MUC5B: variants seen among roughly 807,000 people sequenced by gnomAD.
MUC5B encodes mucin-5B.
MUC5B carries 116 observed loss-of-function variants against 376.9 expected under a neutral mutation model. The ratio of observed to expected loss-of-function variants is 0.31; its 90% CI spans 0.26 to 0.36. The LOEUF (loss-of-function observed/expected upper bound fraction) is 0.36. Among genes scored for constraint, MUC5B ranks in the 10% least tolerant of loss-of-function variants. The pLI is 1.00. For missense variants in MUC5B, 7,165 were observed against 7,769.9 expected (o/e 0.92, Z 2.93); for synonymous variants, 3,517 against 3,390.9 (o/e 1.04, Z -1.29).
chr11:1,256,814 C>A, intron 39 of MUC5B, 43 bp downstream of exon 39: 1 of 1,455,318 alleles, frequency 6.9e-7, no homozygotes, highest in Non-Finnish European at 9.2e-7. Context: ...CTGGGCCCGA[C>A]CCAAGCACAC....
Position 1,235,133 on chromosome 11 carries a change from C to T in MUC5B, c.2679C>T (p.Gly893=). The change falls in exon 22 of 49, where the codon GGC becomes GGT. Residue 893 remains glycine (G), a synonymous_variant. Coordinates refer to ENST00000529681, the MANE Select transcript of MUC5B (RefSeq NM_002458.3). ...RWECSHRLCL[G]TCVAYGDGHF... The stretch of plus-strand genomic sequence containing the variant: ...AGTGCAGCCACCGGCTCTGCCTGGG[C>T]ACCTGCGTGGCCTACGGGGATGGCC... The T allele has an allele frequency of 1.2e-6, 2 of 1,612,830 alleles. No individual in the cohort carries two copies. Among genetic ancestry groups the T allele is most frequent in the South Asian group, 1.1e-5 (1 of 91,076 alleles).
chr11:1,247,185 C>A lies in MUC5B; in HGVS notation c.10305C>A (p.Pro3435=), dbSNP rs370339559. Residue 3435 remains proline, a synonymous_variant, in exon 31 of 49, where the codon CCC becomes CCA. Coordinates refer to ENST00000529681, the MANE Select transcript of MUC5B (RefSeq NM_002458.3). ...CAGCCACCAGCAGCACAGTGACTCC[C>A]TCCTCTGCCCTAGGGACCACCCACA... The part of the protein sequence containing the change: ...TPAATSSTVT[P]SSALGTTHTP... 1.3e-6 allele frequency: 2 copies of A among 1,562,718 alleles called. No individual in the cohort carries two copies. The highest frequency in any genetic ancestry group is 1.1e-5 in the South Asian group (1 of 88,946).
chr11:1,249,618 G>A lies in MUC5B; in HGVS notation c.12738G>A (p.Thr4246=), dbSNP rs370183269. ...STAMPSSTPG[T]TWILTELTTT... is the part of the protein sequence containing the mutation. ...CCATGCCCTCCTCCACTCCGGGGACGACCTGGATCCTCACAGAGCTGACCA... is the reference window on the plus strand; with the variant it reads ...CCATGCCCTCCTCCACTCCGGGGACAACCTGGATCCTCACAGAGCTGACCA... The change falls in exon 31 of 49, where the codon ACG becomes ACA. Residue 4246 remains threonine (T), a synonymous_variant. Coordinates refer to ENST00000529681, the MANE Select transcript of MUC5B (RefSeq NM_002458.3). 1,410 of 1,610,412 alleles carry A rather than the reference G, an allele frequency of 8.8e-4. 16 individuals carry two copies. In the African/African-American group the frequency reaches 0.016, roughly 18 times the overall value.
Position 1,250,679 on chromosome 11 carries a change from G to T in MUC5B, c.13799G>T (p.Gly4600Val). The T allele has an allele frequency of 1.2e-6, 2 of 1,611,626 alleles. No individual in the cohort carries two copies. The highest frequency in any genetic ancestry group is 1.1e-5 in the South Asian group (1 of 91,012). Residue 4600 changes from glycine to valine, a missense_variant, in exon 31 of 49, where the codon GGC becomes GTC. By Grantham distance (109) the Gly-to-Val change is moderately radical. This residue lies in a region of MUC5B where 730 missense variants were observed against 592.7 expected (regional missense o/e 1.23). Coordinates refer to ENST00000529681, the MANE Select transcript of MUC5B (RefSeq NM_002458.3). Reference protein sequence around the residue: ...TTKVPTTTTTGFTATPSSSPG... With the variant: ...TTKVPTTTTTVFTATPSSSPG... Reference sequence around the variant, plus strand: ...AAAGTGCCGACTACCACAACCACGGGCTTCACAGCCACCCCCTCCTCCAGC... The same window carrying T: ...AAAGTGCCGACTACCACAACCACGGTCTTCACAGCCACCCCCTCCTCCAGC...
chr11:1,251,278 A>T lies in MUC5B; in HGVS notation c.14398A>T (p.Thr4800Ser). Residue 4800 changes from threonine to serine, a missense_variant, in exon 31 of 49, where the codon ACA becomes TCA. Thr to Ser is a moderately conservative substitution (Grantham distance 58). Coordinates refer to ENST00000529681, the MANE Select transcript of MUC5B (RefSeq NM_002458.3). Reference sequence around the variant, plus strand: ...AGTGCTGACCACCACAGCCACCATGACAAGGGCCACCAATTCCACGGCCAC... The same window carrying T: ...AGTGCTGACCACCACAGCCACCATGTCAAGGGCCACCAATTCCACGGCCAC... ...STVLTTTATMTRATNSTATPS... is the reference protein window; with the variant it reads ...STVLTTTATMSRATNSTATPS... 6.2e-7 allele frequency: 1 copy of T among 1,611,304 alleles called. No individual in the cohort carries two copies. Among genetic ancestry groups the T allele is most frequent in the Non-Finnish European group, 8.5e-7 (1 of 1,178,244 alleles).
intron 25 of MUC5B, among the ~76,000 whole-genome samples, chr11:1,238,533 A>G (rs978126090): frequency 2.6e-5 from 4 of 152,170 alleles, no homozygotes; most frequent in Non-Finnish European, 5.9e-5. Flanking sequence ...GGGCCACATG[A>G]CCAGATCCAC....
Position 1,246,122 on chromosome 11 carries a change from C to T in MUC5B, c.9242C>T (p.Pro3081Leu), listed in dbSNP as rs368033072. The change falls in exon 31 of 49, where the codon CCA becomes CTA. Residue 3081 changes from proline to leucine, a missense_variant. This residue lies in a region of MUC5B where 939 missense variants were observed against 770.6 expected (regional missense o/e 1.22). Coordinates refer to ENST00000529681, the MANE Select transcript of MUC5B (RefSeq NM_002458.3). Reference sequence around the variant, plus strand: ...ACCCTTGGGACCACCGGGACCCTCCCAGAACAGACCACCACACCCATGGCC... The same window carrying T: ...ACCCTTGGGACCACCGGGACCCTCCTAGAACAGACCACCACACCCATGGCC... The part of the protein sequence containing the change: ...SFTLGTTGTL[P>L]EQTTTPMATM... The T allele has an allele frequency of 3.7e-6, 6 of 1,613,126 alleles. No individual in the cohort carries two copies. The highest frequency in any genetic ancestry group is 5.1e-6 in the Non-Finnish European group (6 of 1,179,538).
Position 1,243,167 on chromosome 11 carries a change from C to G in MUC5B, c.6287C>G (p.Pro2096Arg). ...RGSTVTPSSI[P>R]GTTHTATVLT... ...TCCACGGTGACCCCCTCCTCCATCC[C>G]GGGGACCACCCACACCGCCACAGTG... Residue 2096 changes from proline (P) to arginine (R), a missense_variant, in exon 31 of 49, where the codon CCG becomes CGG. By Grantham distance (103) the Pro-to-Arg change is moderately radical. Around this residue, in one of 31 missense-constraint regions of MUC5B, gnomAD observed 897 missense variants for 779.6 expected, o/e 1.15. Transcript: ENST00000529681. The G allele has an allele frequency of 6.2e-7, 1 of 1,607,950 alleles. No homozygotes were observed.
At position 1,254,775 on chromosome 11, in the gene MUC5B, C is replaced by T. The variant is rs765889391; in HGVS notation, c.15559C>T (p.Arg5187Cys). 5.0e-6 allele frequency: 8 copies of T among 1,612,732 alleles called. No individual in the cohort carries two copies. Among genetic ancestry groups the T allele is most frequent in the Non-Finnish European group, 5.9e-6 (7 of 1,179,794 alleles). ...LVSVLGTTTM[R>C]VDIPALGVSV... ...GTCTGTGCTGGGGACCACCACCATG[C>T]GTGTGGACATTCCTGCCCTGGGCGT... is the stretch of plus-strand genomic sequence containing the variant. The change falls in exon 35 of 49, where the codon CGT (arginine) becomes TGT (cysteine). Residue 5187 changes from arginine to cysteine, a missense_variant. Around this residue, in one of 31 missense-constraint regions of MUC5B, gnomAD observed 842 missense variants for 1,016.9 expected, o/e 0.83. Coordinates refer to ENST00000529681, the MANE Select transcript of MUC5B (RefSeq NM_002458.3).
rs71469859 is a variant in MUC5B at position 1,243,729 on chromosome 11, A to G, written c.6849A>G (p.Thr2283=). ...ACACCACGGCCACCTCCAGGACCAC[A>G]GCCACGGCCACACCCAGCAAGACCC... ...PGHTTATSRT[T]ATATPSKTRT... The change falls in exon 31 of 49, where the codon ACA becomes ACG. Residue 2283 remains threonine, a synonymous_variant. Transcript: ENST00000529681. 728 of 1,565,384 alleles carry G rather than the reference A, an allele frequency of 4.7e-4. No individual in the cohort carries two copies. The highest frequency in any genetic ancestry group is 1.1e-3 in the Middle Eastern group (5 of 4,464).
At position 1,253,338 on chromosome 11, in the gene MUC5B, C is replaced by T. The variant is rs974264992; in HGVS notation, c.15217+358C>T. 8.5e-5 allele frequency among the ~76,000 whole-genome samples: 13 copies of T among 152,150 alleles called. No individual in the cohort carries two copies. Among genetic ancestry groups the T allele is most frequent in the Non-Finnish European group, 1.6e-4 (11 of 68,012 alleles). On this transcript the variant is annotated intron_variant, in intron 33 of 48. Coordinates refer to ENST00000529681, the MANE Select transcript of MUC5B (RefSeq NM_002458.3). This position sits in a 1 kb window ranked among gnomAD's most constrained non-coding sequence, Gnocchi z 4.3. ...GGCTGGTTTGCTGAGCTTCTCTGCA[C>T]ATCAGCCTGTGTGGTTTGAAAGGGA...
Position 1,249,874 on chromosome 11 carries a change from G to A in MUC5B, c.12994G>A (p.Gly4332Arg). The A allele has an allele frequency of 1.9e-6, 3 of 1,613,372 alleles. No homozygotes were observed. Among genetic ancestry groups the A allele is most frequent in the Non-Finnish European group, 2.5e-6 (3 of 1,179,746 alleles). ...TACACCCATCCCCTCCTCCACCCTT[G>A]GGACCACCGGGACCCTCCCAGAACA... ...SVTPIPSSTL[G>R]TTGTLPEQTT... Residue 4332 changes from glycine (G) to arginine (R), a missense_variant, in exon 31 of 49, where the codon GGG becomes AGG. By Grantham distance (125) the Gly-to-Arg change is moderately radical. Transcript: ENST00000529681.
In MUC5B at chr11:1,251,468, C is replaced by T. The variant is rs763795186; in HGVS notation, c.14588C>T (p.Ser4863Phe). 3.7e-6 allele frequency: 6 copies of T among 1,612,286 alleles called. No homozygotes were observed. The Admixed American group carries it at 5.0e-5, about 13-fold the overall frequency. The change falls in exon 31 of 49, where the codon TCC becomes TTC. Residue 4863 changes from serine to phenylalanine, a missense_variant. Transcript: ENST00000529681. ...TIATVMVPTG[S>F]TATASSTLGT... is the part of the protein sequence containing the mutation. ...GCCACCGTGATGGTGCCCACCGGTT[C>T]CACGGCCACCGCCTCCTCCACTCTG...
In MUC5B at chr11:1,259,657, G is replaced by A. The variant is rs142949847; in HGVS notation, c.16714-99G>A. 569 of 1,254,422 alleles carry A rather than the reference G, an allele frequency of 4.5e-4. 6 individuals carry two copies. In the African/African-American group the frequency reaches 7.5e-3, roughly 16 times the overall value. The allele number at this position is 1,254,422 out of a possible 1,614,324, so 77.7% of individuals were successfully genotyped here. The stretch of plus-strand genomic sequence containing the variant: ...TAGGCCCAGGCAGGGACAGGGCTAA[G>A]GGGTCCTGGACCACTGGGGTGTAGA... On this transcript the variant is annotated intron_variant, in intron 44 of 48. Coordinates refer to ENST00000529681, the MANE Select transcript of MUC5B (RefSeq NM_002458.3).
At position 1,246,351 on chromosome 11, in the gene MUC5B, C is replaced by A; in HGVS notation, c.9471C>A (p.Thr3157=). The A allele has an allele frequency of 6.2e-7, 1 of 1,603,878 alleles. No homozygotes were observed. Among genetic ancestry groups the A allele is most frequent in the South Asian group, 1.1e-5 (1 of 90,262 alleles). The change falls in exon 31 of 49, where the codon ACC becomes ACA. Residue 3157 remains threonine, a synonymous_variant. Transcript: ENST00000529681. ...GCCCCACGGCCACCCCGTCCTCCACCCCAGGGACCACCTGGATCCTCACAG... is the reference window on the plus strand; with the variant it reads ...GCCCCACGGCCACCCCGTCCTCCACACCAGGGACCACCTGGATCCTCACAG... ...ATGPTATPSS[T]PGTTWILTEP... is the part of the protein sequence containing the mutation.
rs1037604979 is a variant in MUC5B at position 1,234,826 on chromosome 11, G to C, written c.2630+146G>C. On this transcript the variant is annotated intron_variant, in intron 21 of 48. Coordinates refer to ENST00000529681, the MANE Select transcript of MUC5B (RefSeq NM_002458.3). This position sits in a 1 kb window ranked among gnomAD's most constrained non-coding sequence, Gnocchi z 6.3. ...GGTGAGGTGGGGCCGTGGCAGGAGA[G>C]AGAGTTGCTAGGAAAGCCATGGGCC... 4 of 1,151,198 alleles carry C rather than the reference G, an allele frequency of 3.5e-6. No individual in the cohort carries two copies. The highest frequency in any genetic ancestry group is 3.6e-6 in the Non-Finnish European group (3 of 837,930). The allele number at this position is 1,151,198 out of a possible 1,614,324, so 71.3% of individuals were successfully genotyped here.
In MUC5B at chr11:1,240,360, C is replaced by T. The variant is rs747790027; in HGVS notation, c.3955C>T (p.Pro1319Ser). 6.2e-7 allele frequency: 1 copy of T among 1,600,286 alleles called. No individual in the cohort carries two copies. The highest frequency in any genetic ancestry group is 2.2e-5 in the East Asian group (1 of 44,608). ...ATTCACCTTCACCACCGCCTGGGTC[C>T]CCCACTCCACGACAAGTAAGCCCTG... Reference protein sequence around the residue: ...TPFTFTTAWVPHSTTSPALPV... With the variant: ...TPFTFTTAWVSHSTTSPALPV... Residue 1319 changes from proline to serine, a missense_variant, in exon 30 of 49, where the codon CCC becomes TCC. Coordinates refer to ENST00000529681, the MANE Select transcript of MUC5B (RefSeq NM_002458.3).
At position 1,257,656 on chromosome 11, in the gene MUC5B, G is replaced by C. The variant is rs372417271; in HGVS notation, c.16396G>C (p.Val5466Leu). 1 of 1,590,630 alleles carries C rather than the reference G, an allele frequency of 6.3e-7. No homozygotes were observed. Among genetic ancestry groups the C allele is most frequent in the South Asian group, 1.1e-5 (1 of 89,438 alleles). The stretch of plus-strand genomic sequence containing the variant: ...CCCGCCGTGCAACCGTCCCGGCTTC[G>C]TAACCGTGACCAGGCCCCGGGCCGA... ...QPPPCNRPGF[V>L]TVTRPRAENP... Residue 5466 changes from valine to leucine, a missense_variant, in exon 41 of 49, where the codon GTA (valine) becomes CTA (leucine). Val to Leu is a conservative substitution (Grantham distance 32, BLOSUM62 1). Around this residue, in one of 31 missense-constraint regions of MUC5B, gnomAD observed 842 missense variants for 1,016.9 expected, o/e 0.83. Transcript: ENST00000529681. This position sits in a 1 kb window ranked among gnomAD's most constrained non-coding sequence, Gnocchi z 8.9.
At chr11:1,238,366 G>A (rs562925804) in intron 25 of MUC5B, among the ~76,000 whole-genome samples, 49 of 152,318 alleles carry the variant, frequency 3.2e-4, no homozygotes, top group South Asian at 6.2e-4. Flanking sequence ...CTGGGTGGTC[G>A]GATGCTAGGA....
Sources: gnomAD v4.1 joint callset for allele counts (sites outside exome capture counted in the v4.1 genomes callset) on GRCh38, gnomAD v4.1.1 for gene constraint, gnomAD v4.1.1 regional missense constraint, Gnocchi (gnomAD v3.1) non-coding constraint, MANE v1.5 for transcripts, NCBI Gene and HGNC (gene_info 2026-07-23, HGNC 2026-07-21) for gene names.